The following ADGRB3 variants were observed in gnomAD, a reference collection of about 807,000 sequenced individuals.
ADGRB3 encodes the protein adhesion G protein-coupled receptor B3.
In ADGRB3, 37 loss-of-function variants were observed where a neutral mutation model predicts 193.4. That is an observed-to-expected ratio of 0.19 (90% confidence interval 0.15 to 0.25). The LOEUF (loss-of-function observed/expected upper bound fraction) is 0.25. Among genes scored for constraint, ADGRB3 ranks in the 10% least tolerant of loss-of-function variants. The pLI is 1.00. For missense variants in ADGRB3, 1,637 were observed against 1,852.9 expected (o/e 0.88, Z 2.14); for synonymous variants, 690 against 644.2 (o/e 1.07, Z -1.08).
chr6:69,179,215 T>G (rs943433720), intron 17 of ADGRB3, among the ~76,000 whole-genome samples: 7 of 152,210 alleles, frequency 4.6e-5, no homozygotes, highest in Admixed American at 1.3e-4. Flanking sequence ...TTTATCTGAC[T>G]GGTTTAGTTT....
In ADGRB3 at chr6:69,332,934, G is replaced by T; in HGVS notation, c.3114G>T (p.Val1038=). The T allele has an allele frequency of 6.2e-7, 1 of 1,613,766 alleles. No homozygotes were observed. The highest frequency in any genetic ancestry group is 8.5e-7 in the Non-Finnish European group (1 of 1,179,816). ...TTTCTGTTTGACAGGTCAACATGGT[G>T]ATTGGCATTTTGGTATTTAATAAAC... ...PAAAVVLVNM[V]IGILVFNKLV... The change falls in exon 24 of 32, where the codon GTG becomes GTT. Residue 1038 remains valine (V), a synonymous_variant. Coordinates refer to ENST00000370598, the MANE Select transcript of ADGRB3 (RefSeq NM_001704.3).
intron 3 of ADGRB3, among the ~76,000 whole-genome samples, chr6:68,686,455 A>G (rs768519771): frequency 3.3e-5 from 5 of 152,126 alleles, no homozygotes; most frequent in Non-Finnish European, 5.9e-5. Flanking sequence ...TCAGGGTCAT[A>G]CTGGTAAAGC....
chr6:68,656,001 A>G (rs1768481552), intron 3 of ADGRB3, among the ~76,000 whole-genome samples: 1 of 151,618 alleles, frequency 6.6e-6, no homozygotes, highest in Admixed American at 6.6e-5. Flanking sequence ...AAGGATTGGT[A>G]TGCATGTTAA....
intron 30 of ADGRB3, among the ~76,000 whole-genome samples, chr6:69,376,082 CTTTTTTTTTTT>C (rs58780409): frequency 5.9e-5 from 4 of 67,372 alleles, no homozygotes; most frequent in Non-Finnish European, 1.1e-4. Flanking sequence ...ATTATGTAGC[CTTTTTTTTTTT>C]TTTTTTTTTT....
At chr6:68,901,890 TTAA>T (rs903179210) in intron 3 of ADGRB3, among the ~76,000 whole-genome samples, 1 of 152,192 alleles carries the variant, frequency 6.6e-6, no homozygotes, top group Non-Finnish European at 1.5e-5. Flanking sequence ...TCAAAAATGT[TTAA>T]TATTGTTTTT....
intron 17 of ADGRB3, among the ~76,000 whole-genome samples, chr6:69,128,860 A>G (rs1773924842): frequency 3.3e-5 from 5 of 152,178 alleles, no homozygotes; most frequent in Admixed American, 3.3e-4. Context: ...TGAAAACCTA[A>G]GGATCAACTT....
Position 69,361,196 on chromosome 6 carries a change from A to T in ADGRB3, c.3923A>T (p.Tyr1308Phe). 1 of 1,612,656 alleles carries T rather than the reference A, an allele frequency of 6.2e-7. No homozygotes were observed. The highest frequency in any genetic ancestry group is 8.5e-7 in the Non-Finnish European group (1 of 1,179,252). Residue 1308 changes from tyrosine (Y) to phenylalanine (F), a missense_variant, in exon 29 of 32, where the codon TAT becomes TTT. Around this residue, in one of 7 missense-constraint regions of ADGRB3, gnomAD observed 368 missense variants for 367.4 expected, o/e 1.00. Transcript: ENST00000370598. Reference protein sequence around the residue: ...HPQERMMESDYIVMPRSSVNN... With the variant: ...HPQERMMESDFIVMPRSSVNN... ...CAAGAAAGAATGATGGAAAGTGACTATATTGTGATGCCCAGAAGTTCTGTA... is the reference window on the plus strand; with the variant it reads ...CAAGAAAGAATGATGGAAAGTGACTTTATTGTGATGCCCAGAAGTTCTGTA...
intron 17 of ADGRB3, among the ~76,000 whole-genome samples, chr6:69,187,385 G>T (rs1765092897): frequency 6.6e-6 from 1 of 152,110 alleles, no homozygotes; most frequent in Admixed American, 6.6e-5. Flanking sequence ...AAGACTTTCT[G>T]GTGATGCACT....
chr6:68,820,597 T>C (rs927187701), intron 3 of ADGRB3, among the ~76,000 whole-genome samples: 4 of 152,052 alleles, frequency 2.6e-5, no homozygotes, highest in African/African-American at 9.7e-5. Context: ...TTATTTATTC[T>C]ATCTAAATAT....
intron 17 of ADGRB3, among the ~76,000 whole-genome samples, chr6:69,082,497 T>C (rs1772415766): frequency 1.3e-5 from 2 of 152,142 alleles, no homozygotes; most frequent in Non-Finnish European, 2.9e-5. Context: ...CTCAGTTATC[T>C]ATTTTAACTT....
chr6:68,772,912 T>C (rs546301093), intron 3 of ADGRB3, among the ~76,000 whole-genome samples: 2 of 52,144 alleles, frequency 3.8e-5, no homozygotes, highest in African/African-American at 2.1e-4. Flanking sequence ...TATATATATA[T>C]ATATATATAT....
intron 3 of ADGRB3, among the ~76,000 whole-genome samples, chr6:68,728,626 C>T (rs1765717545): frequency 6.6e-6 from 1 of 151,450 alleles, no homozygotes; most frequent in East Asian, 1.9e-4. Context: ...GATATATATA[C>T]AGATGTAGAT....
chr6:69,370,843 G>A (rs1311883965), intron 29 of ADGRB3, among the ~76,000 whole-genome samples: 1 of 152,064 alleles, frequency 6.6e-6, no homozygotes, highest in Admixed American at 6.6e-5. Flanking sequence ...TGCCAAGAAA[G>A]GTATCCAAGA....
chr6:69,056,542 T>G (rs1225956535), intron 15 of ADGRB3, among the ~76,000 whole-genome samples: 3 of 152,198 alleles, frequency 2.0e-5, no homozygotes, highest in African/African-American at 7.2e-5. Context: ...TGGTGTCATC[T>G]CCAAGTTCAA....
chr6:68,929,037 C>CA (rs1403808103), intron 3 of ADGRB3, among the ~76,000 whole-genome samples: 1 of 151,986 alleles, frequency 6.6e-6, no homozygotes, highest in Non-Finnish European at 1.5e-5. Flanking sequence ...TATGGCCTGG[C>CA]AAAACATGGT....
chr6:68,718,117 C>T (rs1765516194), intron 3 of ADGRB3, among the ~76,000 whole-genome samples: 1 of 151,572 alleles, frequency 6.6e-6, no homozygotes, highest in South Asian at 2.1e-4. Flanking sequence ...AAATGTTTTG[C>T]CTATTTTAAA....
intron 24 of ADGRB3, among the ~76,000 whole-genome samples, chr6:69,337,986 G>A (rs1000488764): frequency 4.6e-5 from 7 of 152,090 alleles, no homozygotes; most frequent in Non-Finnish European, 7.4e-5. Context: ...AAGTTGTTTG[G>A]AATTTTTAAT....
chr6:69,037,774 G>A (rs1770917371), intron 13 of ADGRB3, among the ~76,000 whole-genome samples: 1 of 151,836 alleles, frequency 6.6e-6, no homozygotes, highest in Non-Finnish European at 1.5e-5. Context: ...GCTCTATTGT[G>A]TCATTTTCTC....
intron 17 of ADGRB3, among the ~76,000 whole-genome samples, chr6:69,206,349 C>T (rs144236738): frequency 5.3e-5 from 8 of 151,854 alleles, no homozygotes; most frequent in African/African-American, 2.4e-5. Context: ...TCCCTTTCCC[C>T]GCCCACTGAC....
Sources: gnomAD v4.1 joint callset for allele counts (sites outside exome capture counted in the v4.1 genomes callset) on GRCh38, gnomAD v4.1.1 for gene constraint, gnomAD v4.1.1 regional missense constraint, MANE v1.5 for transcripts, NCBI Gene and HGNC (gene_info 2026-07-23, HGNC 2026-07-21) for gene names.